Variants in NEBL observed in about 807,000 individuals in gnomAD.
NEBL encodes LIM and SH3 protein 2.
NEBL carries 122 observed loss-of-function variants against 140.2 expected under a neutral mutation model. The ratio of observed to expected loss-of-function variants is 0.87; its 90% CI spans 0.75 to 1.01. NEBL has a LOEUF of 1.01. Ranked by LOEUF, NEBL falls within the 50% of genes least tolerant of loss-of-function variation. NEBL has a pLI of 0.00. For synonymous variants in NEBL, 436 were observed against 398.9 expected, an observed-to-expected ratio of 1.09 and a Z score of -1.11; for missense variants, 1,365 against 1,231.3, an observed-to-expected ratio of 1.11 and a Z score of -1.62.
At chr10:20,869,308 T>TA (rs1400965316) in intron 6 of NEBL, among the ~76,000 whole-genome samples, 14 of 152,128 alleles carry the variant, frequency 9.2e-5, no homozygotes, top group Non-Finnish European at 8.8e-5. Context: ...AAGAAACAGT[T>TA]ACGCCATGTA....
intron 2 of NEBL, among the ~76,000 whole-genome samples, chr10:21,023,462 G>C (rs1838882788): frequency 6.6e-6 from 1 of 152,136 alleles, no homozygotes; most frequent in Non-Finnish European, 1.5e-5. Context: ...GGGAGGACGA[G>C]GCAGGTGGAT....
intron 2 of NEBL, chr10:21,125,987 G>A: frequency 6.2e-7 from 1 of 1,614,214 alleles, no homozygotes; most frequent in Non-Finnish European, 8.5e-7. Context: ...GCCTGGATGG[G>A]CGGCTTGTAG....
intron 22 of NEBL, 113 bp from the exon 23 acceptor site, chr10:20,814,156 T>A (rs1010189978): frequency 2.6e-6 from 2 of 756,176 alleles, no homozygotes; most frequent in Non-Finnish European, 4.6e-6. Flanking sequence ...ATTTTCCAGG[T>A]AACTATTTCA....
At position 21,137,525 on chromosome 10, in the gene NEBL, C is replaced by T. The variant is rs778990658; in HGVS notation, c.164+34858G>A. Among the ~76,000 whole-genome samples, 256 of 152,204 alleles carry T rather than the reference C, an allele frequency of 1.7e-3. 9 individuals are homozygous for T. Among genetic ancestry groups the T allele is most frequent in the Non-Finnish European group, 5.6e-4 (38 of 68,046 alleles). ...TCCTGCTCCGTGTCTAAGAACACTA[C>T]GGCTACTGCTGCCCCATTAGGTTTT... On this transcript the variant is annotated intron_variant, in intron 2 of 6. Transcript: ENST00000417816.
At chr10:21,055,524 G>T (rs1273315409) in intron 2 of NEBL, among the ~76,000 whole-genome samples, 1 of 152,088 alleles carries the variant, frequency 6.6e-6, no homozygotes, top group Admixed American at 6.6e-5. Context: ...GCTACTTTAA[G>T]GTTACCATTC....
chr10:20,971,560 A>T (rs1272259451), intron 3 of NEBL, among the ~76,000 whole-genome samples: 1 of 147,846 alleles, frequency 6.8e-6, no homozygotes, highest in Non-Finnish European at 1.5e-5. Flanking sequence ...CTCGTCATCT[A>T]GCATTAGGTA....
chr10:21,211,257 T>C (rs1052584910), intron 3 of NEBL, among the ~76,000 whole-genome samples: 3 of 152,066 alleles, frequency 2.0e-5, no homozygotes, highest in African/African-American at 7.2e-5. Context: ...GGCTGGAAGA[T>C]CACTTGAGAA....
intron 2 of NEBL, among the ~76,000 whole-genome samples, chr10:20,896,409 T>C (rs1350848450): frequency 6.7e-6 from 1 of 148,330 alleles, no homozygotes; most frequent in African/African-American, 2.5e-5. Context: ...ACTAATATCC[T>C]TGCACTAATA....
intron 2 of NEBL, among the ~76,000 whole-genome samples, chr10:21,132,239 T>G (rs909220369): frequency 6.6e-6 from 1 of 152,200 alleles, no homozygotes. Context: ...TCATATCATA[T>G]GTGGCCTTTA....
At chr10:20,879,011 AC>A (rs1845766825) in intron 5 of NEBL, among the ~76,000 whole-genome samples, 1 of 152,112 alleles carries the variant, frequency 6.6e-6, no homozygotes, top group African/African-American at 2.4e-5. Flanking sequence ...CCACCTTCTA[AC>A]CCGTGGCCTT....
rs896148541 is a variant in NEBL, at chr10:21,287,563, T to C, written n.182+5267A>G. Reference sequence around the variant, plus strand: ...AGAAAAAGAGTCAAAGGGTTGAAAGTATGTTCAACTCTACATACAATAAGA... The same window carrying C: ...AGAAAAAGAGTCAAAGGGTTGAAAGCATGTTCAACTCTACATACAATAAGA... On this transcript the variant is annotated intron_variant and non_coding_transcript_variant, in intron 1 of 8. Transcript: ENST00000675702. Among the ~76,000 whole-genome samples the C allele has an allele frequency of 2.6e-5, 4 of 152,264 alleles. No individual in the cohort carries two copies. The East Asian group carries it at 5.8e-4, about 22-fold the overall frequency.
intron 2 of NEBL, among the ~76,000 whole-genome samples, chr10:21,089,425 A>T (rs1462316551): frequency 6.6e-6 from 1 of 152,186 alleles, no homozygotes; most frequent in Non-Finnish European, 1.5e-5. Flanking sequence ...GACACGCAGC[A>T]TGGAGGATTT....
Position 20,780,787 on chromosome 10 carries a change from C to A in NEBL, c.*4960G>T, listed in dbSNP as rs754935278. 1.3e-5 allele frequency: 2 copies of A among 152,298 alleles called. No homozygotes were observed. Among genetic ancestry groups the A allele is most frequent in the Non-Finnish European group, 2.9e-5 (2 of 68,036 alleles). 9.4% of individuals were successfully genotyped at this position (152,298 alleles called of 1,614,324 possible). On this transcript the variant is annotated 3_prime_UTR_variant, in exon 28 of 28. Transcript: ENST00000377122. ...GAGAACGCAGTTCTATCATAGGAGA[C>A]CACTTGCAGGGAACACATTAAAGCC...
intron 2 of NEBL, chr10:21,248,010 TA>T (rs34664249): frequency 0.11 from 20,590 of 193,344 alleles, no homozygotes; most frequent in South Asian, 0.18. Context: ...AAATTATGAT[TA>T]AAAAAAAAAA....
intron 2 of NEBL, chr10:21,125,671 T>G: frequency 1.8e-6 from 1 of 547,934 alleles, no homozygotes; most frequent in South Asian, 3.4e-5. Context: ...TGTGCCAAAA[T>G]GAGAAATAAA....
At chr10:21,208,041 G>A (rs1303842976) in intron 3 of NEBL, among the ~76,000 whole-genome samples, 2 of 152,174 alleles carry the variant, frequency 1.3e-5, no homozygotes, top group African/African-American at 2.4e-5. Flanking sequence ...AGCAGAGAAA[G>A]AGTTTAATGA....
chr10:20,815,403 T>C (rs1228710505), intron 22 of NEBL, among the ~76,000 whole-genome samples: 1 of 152,238 alleles, frequency 6.6e-6, no homozygotes, highest in East Asian at 1.9e-4. Context: ...AAGCTTTGAA[T>C]GTAACTGTTG....
intron 2 of NEBL, among the ~76,000 whole-genome samples, chr10:20,895,744 T>A (rs566302008): frequency 6.6e-6 from 1 of 152,268 alleles, no homozygotes; most frequent in South Asian, 2.1e-4. Flanking sequence ...TCCACCAGCA[T>A]CCTTTGTGCT....
chr10:21,147,660 A>G (rs1839958470), intron 2 of NEBL, among the ~76,000 whole-genome samples: 1 of 152,184 alleles, frequency 6.6e-6, no homozygotes, highest in Non-Finnish European at 1.5e-5. Flanking sequence ...ATCCCTGAGT[A>G]AGAAGAATCC....
Sources: gnomAD v4.1 joint callset for allele counts (sites outside exome capture counted in the v4.1 genomes callset) on GRCh38, gnomAD v4.1.1 for gene constraint, MANE v1.5 for transcripts, NCBI Gene and HGNC (gene_info 2026-07-23, HGNC 2026-07-21) for gene names.